DENND1A: variants seen among roughly 807,000 people sequenced by gnomAD.
The protein encoded by DENND1A is DENN domain containing 1A.
In DENND1A, 51 loss-of-function variants were observed where a neutral mutation model predicts 113.7. The ratio of observed to expected loss-of-function variants is 0.45; its 90% CI spans 0.36 to 0.57. The LOEUF (loss-of-function observed/expected upper bound fraction) is 0.57, where lower values mean the gene tolerates loss of function less well. DENND1A is among the 20% of genes least tolerant of loss of function. The probability of loss-of-function intolerance (pLI) is 0.00; values close to 1 mark genes in which losing one functional copy is unlikely to be tolerated. For missense variants in DENND1A, 1,258 were observed against 1,395.9 expected (o/e 0.90, Z 1.57); for synonymous variants, 565 against 570.8 (o/e 0.99, Z 0.14).
At chr9:123,871,865 C>G (rs1005112868) in intron 2 of DENND1A, among the ~76,000 whole-genome samples, 1 of 152,182 alleles carries the variant, frequency 6.6e-6, no homozygotes, top group African/African-American at 2.4e-5. Context: ...TGCTGCCAGT[C>G]TCCCAGTGCT....
chr9:123,433,901 C>T (rs1185014244), intron 19 of DENND1A, among the ~76,000 whole-genome samples: 1 of 152,228 alleles, frequency 6.6e-6, no homozygotes, highest in Non-Finnish European at 1.5e-5. Flanking sequence ...GTCCCAGTTC[C>T]CTGCCTCATT....
At chr9:123,667,963 C>T (rs1019520330) in intron 7 of DENND1A, among the ~76,000 whole-genome samples, 1 of 152,106 alleles carries the variant, frequency 6.6e-6, no homozygotes, top group Admixed American at 6.5e-5. Context: ...GGAGACTCAG[C>T]GGAGTTGAAA....
chr9:123,492,619 C>T (rs1220842096), intron 13 of DENND1A: 1 of 152,166 alleles, frequency 6.6e-6, no homozygotes, highest in Admixed American at 6.5e-5. Flanking sequence ...TAATTGTACA[C>T]TTTTTTAAAT....
At chr9:123,700,312 A>T (rs1476768992) in intron 5 of DENND1A, among the ~76,000 whole-genome samples, 2 of 152,148 alleles carry the variant, frequency 1.3e-5, no homozygotes, top group Admixed American at 1.3e-4. Context: ...TATTGCATTG[A>T]CTCTATAGAT....
chr9:123,925,174 C>T (rs531378509), intron 1 of DENND1A, among the ~76,000 whole-genome samples: 48 of 152,276 alleles, frequency 3.2e-4, no homozygotes, highest in African/African-American at 1.1e-3. Flanking sequence ...CAATGTCTAA[C>T]ACAATTCCTG....
At chr9:123,858,031 C>G (rs1334139034) in intron 2 of DENND1A, among the ~76,000 whole-genome samples, 1 of 150,232 alleles carries the variant, frequency 6.7e-6, no homozygotes. Flanking sequence ...TGCACTCCAG[C>G]CTGGGCGACA....
At chr9:123,675,635 T>C (rs187402252) in intron 6 of DENND1A, among the ~76,000 whole-genome samples, 218 of 152,320 alleles carry the variant, frequency 1.4e-3, no homozygotes, top group Non-Finnish European at 2.4e-3. Flanking sequence ...ATTAGATATA[T>C]AGACAAATAT....
At chr9:123,636,321 C>CTT (rs201586032) in intron 9 of DENND1A, among the ~76,000 whole-genome samples, 7 of 146,004 alleles carry the variant, frequency 4.8e-5, no homozygotes, top group Admixed American at 6.9e-5. Flanking sequence ...TCTGATTCCT[C>CTT]TTTTTTTTTT....
At chr9:123,520,014 G>T (rs2054256182) in intron 13 of DENND1A, among the ~76,000 whole-genome samples, 1 of 151,912 alleles carries the variant, frequency 6.6e-6, no homozygotes, top group African/African-American at 2.4e-5. Flanking sequence ...TAAAAAATTA[G>T]CTGGGTGTGA....
chr9:123,842,598 T>C (rs988135263), intron 2 of DENND1A, among the ~76,000 whole-genome samples: 1 of 152,122 alleles, frequency 6.6e-6, no homozygotes, highest in African/African-American at 2.4e-5. Context: ...AAAATCTGAA[T>C]AGACCTATAG....
rs145108209 is a variant in DENND1A at position 123,795,574 on chromosome 9, C to T, written c.89-2944G>A. ...CCACTTGCGTGTCTGTATGTTTTTA[C>T]AAGTACTCTATGTATTTCATTGCGT... On this transcript the variant is annotated intron_variant, in intron 2 of 23. Coordinates refer to ENST00000394215, the MANE Select transcript of DENND1A (RefSeq NM_001352964.2). Among the ~76,000 whole-genome samples the T allele has an allele frequency of 5.9e-5, 9 of 152,316 alleles. No homozygotes were observed. The East Asian group carries it at 1.7e-3, about 29-fold the overall frequency.
intron 23 of DENND1A, 34 bp from the exon 24 acceptor site, chr9:123,382,659 G>A (rs766643227): frequency 1.6e-5 from 26 of 1,605,050 alleles, no homozygotes; most frequent in South Asian, 2.2e-5. Context: ...CAGTGACCAC[G>A]GGCTGAGTTG....
At chr9:123,582,945 C>T (rs890139687) in intron 12 of DENND1A, among the ~76,000 whole-genome samples, 1 of 152,044 alleles carries the variant, frequency 6.6e-6, no homozygotes, top group Admixed American at 6.6e-5. Context: ...GTGATCCACC[C>T]GCCTCGGCCT....
chr9:123,649,214 C>A (rs529714797), intron 9 of DENND1A, among the ~76,000 whole-genome samples: 2 of 152,240 alleles, frequency 1.3e-5, no homozygotes, highest in Admixed American at 1.3e-4. Context: ...GATATCAGGT[C>A]TTCTTATTCA....
intron 1 of DENND1A, among the ~76,000 whole-genome samples, chr9:123,890,578 C>G (rs1849756944): frequency 6.6e-6 from 1 of 152,168 alleles, no homozygotes; most frequent in Non-Finnish European, 1.5e-5. Context: ...TTAATATGTA[C>G]TAAACACTTA....
chr9:123,624,319 T>G (rs1261866728), intron 10 of DENND1A, among the ~76,000 whole-genome samples: 3 of 152,354 alleles, frequency 2.0e-5, no homozygotes, highest in Middle Eastern at 3.4e-3. Context: ...TGAAAGTTAC[T>G]GGGCATAATA....
At chr9:123,716,550 A>C (rs555195440) in intron 5 of DENND1A, among the ~76,000 whole-genome samples, 9 of 152,322 alleles carry the variant, frequency 5.9e-5, no homozygotes, top group African/African-American at 1.9e-4. Context: ...TTAAATTACT[A>C]ATAATCAGGA....
intron 5 of DENND1A, among the ~76,000 whole-genome samples, chr9:123,701,316 T>G: frequency 6.6e-6 from 1 of 152,200 alleles, no homozygotes; most frequent in East Asian, 1.9e-4. Context: ...TGCCTGGTTA[T>G]AGCACAATAA....
rs1162076476 is a variant in DENND1A, at chr9:123,469,960, A to G, written c.994-12063T>C. ...ACAATATTATTTATGTTTGATTAAGAGAGGTAATCACAAGATTGTATTTGA... is the reference window on the plus strand; with the variant it reads ...ACAATATTATTTATGTTTGATTAAGGGAGGTAATCACAAGATTGTATTTGA... On this transcript the variant is annotated intron_variant, in intron 13 of 23. Coordinates refer to ENST00000394215, the MANE Select transcript of DENND1A (RefSeq NM_001352964.2). 2.6e-5 allele frequency among the ~76,000 whole-genome samples: 4 copies of G among 152,318 alleles called. No individual in the cohort carries two copies. The East Asian group carries it at 7.7e-4, about 29-fold the overall frequency.
Sources: gnomAD v4.1 joint callset for allele counts (sites outside exome capture counted in the v4.1 genomes callset) on GRCh38, gnomAD v4.1.1 for gene constraint, MANE v1.5 for transcripts, NCBI Gene and HGNC (gene_info 2026-07-23, HGNC 2026-07-21) for gene names.